The following NFAT5 variants were observed in gnomAD, a reference collection of about 807,000 sequenced individuals.
NFAT5 encodes the protein nuclear factor of activated T-cells 5.
NFAT5 carries 31 observed loss-of-function variants against 166.5 expected under a neutral mutation model. That is an observed-to-expected ratio of 0.19 (90% CI 0.14 to 0.25). NFAT5 has a LOEUF of 0.25. Ranked by LOEUF, NFAT5 falls within the 10% of genes least tolerant of loss-of-function variation. The pLI is 1.00. For missense variants in NFAT5, 1,449 were observed against 1,821.8 expected, an observed-to-expected ratio of 0.80 and a Z score of 3.72; for synonymous variants, 612 against 639.7, an observed-to-expected ratio of 0.96 and a Z score of 0.65.
chr16:69,597,032 C>T (rs1171934956), intron 2 of NFAT5, among the ~76,000 whole-genome samples: 1 of 152,018 alleles, frequency 6.6e-6, no homozygotes, highest in East Asian at 1.9e-4. Flanking sequence ...GTCCTGAAGT[C>T]ATAAAAATTA....
At chr16:69,651,719 G>A (rs901710485) in intron 4 of NFAT5, among the ~76,000 whole-genome samples, 1 of 147,584 alleles carries the variant, frequency 6.8e-6, no homozygotes, top group Non-Finnish European at 1.5e-5. Flanking sequence ...TGACCAGGCT[G>A]GAGTGCAATG....
At chr16:69,622,463 T>G (rs2034242708) in intron 2 of NFAT5, among the ~76,000 whole-genome samples, 2 of 152,206 alleles carry the variant, frequency 1.3e-5, no homozygotes, top group Non-Finnish European at 2.9e-5. Flanking sequence ...ACCTTGCATT[T>G]TACTTGTTTG....
At chr16:69,613,165 A>G (rs964061577) in intron 2 of NFAT5, among the ~76,000 whole-genome samples, 1 of 152,122 alleles carries the variant, frequency 6.6e-6, no homozygotes, top group Non-Finnish European at 1.5e-5. Flanking sequence ...CACCGTAGCC[A>G]GTGATCCAAT....
chr16:69,659,809 A>C lies in NFAT5; in HGVS notation c.1279A>C (p.Thr427Pro). The C allele has an allele frequency of 6.2e-7, 1 of 1,614,090 alleles. No homozygotes were observed. Among genetic ancestry groups the C allele is most frequent in the Non-Finnish European group, 8.5e-7 (1 of 1,179,980 alleles). Reference sequence around the variant, plus strand: ...AATTGCTGGTTCCAAGAAGAAAAGCACTCGTGCCAGATTGGTTTTTCGAGT... The same window carrying C: ...AATTGCTGGTTCCAAGAAGAAAAGCCCTCGTGCCAGATTGGTTTTTCGAGT... ...IGIAGSKKKS[T>P]RARLVFRVNI... Residue 427 changes from threonine (T) to proline (P), a missense_variant, in exon 7 of 15, where the codon ACT becomes CCT. By Grantham distance (38) the Thr-to-Pro change is conservative (BLOSUM62 -1). Transcript: ENST00000349945.
chr16:69,632,345 ATCTCTCTTTTTTCTT>A (rs1246358366), intron 3 of NFAT5: 2 of 152,288 alleles, frequency 1.3e-5, no homozygotes, highest in Non-Finnish European at 2.9e-5. Context: ...GCCATAAAGT[ATCTCTCTTTTTTCTT>A]TTACCTAGTT....
Position 69,566,188 on chromosome 16 carries a change from C to T in NFAT5, c.-114C>T. The T allele has an allele frequency of 1.2e-6, 1 of 849,578 alleles. No homozygotes were observed. The highest frequency in any genetic ancestry group is 1.8e-6 in the Non-Finnish European group (1 of 552,538). 52.6% of individuals were successfully genotyped at this position (849,578 alleles called of 1,614,324 possible). A position where few individuals can be genotyped will look rare whatever the true frequency, so the allele number is the denominator to read the frequency against. The stretch of plus-strand genomic sequence containing the variant: ...ACCCTCGAGGAGGAGGCAGCGGCAG[C>T]CGCCCTCGCGTCGCCGCCCCCGGTT... On this transcript the variant is annotated 5_prime_UTR_variant, in exon 1 of 15. Coordinates refer to ENST00000349945, the MANE Select transcript of NFAT5 (RefSeq NM_138713.4). This position sits in a 1 kb window ranked among gnomAD's most constrained non-coding sequence, Gnocchi z 5.7.
At chr16:69,588,488 C>G (rs935388417) in intron 2 of NFAT5, among the ~76,000 whole-genome samples, 2 of 149,500 alleles carry the variant, frequency 1.3e-5, no homozygotes, top group African/African-American at 2.5e-5. Context: ...AGAAAGATAG[C>G]TACTGAGTAA....
chr16:69,679,812 G>C (rs193157278), intron 10 of NFAT5, among the ~76,000 whole-genome samples: 74 of 152,000 alleles, frequency 4.9e-4, no homozygotes, highest in Middle Eastern at 6.8e-3. Context: ...AAGGAAATTT[G>C]ATATAAAATT....
intron 10 of NFAT5, among the ~76,000 whole-genome samples, chr16:69,678,718 C>T (rs1490899681): frequency 6.6e-6 from 1 of 152,180 alleles, no homozygotes; most frequent in African/African-American, 2.4e-5. Context: ...TCAGTCCAGT[C>T]TCAAGCATAC....
chr16:69,630,143 G>T (rs1387641550), intron 3 of NFAT5, among the ~76,000 whole-genome samples: 1 of 151,802 alleles, frequency 6.6e-6, no homozygotes, highest in Admixed American at 6.6e-5. Flanking sequence ...CATTGTGTTG[G>T]CCAGGCTGAT....
intron 10 of NFAT5, among the ~76,000 whole-genome samples, chr16:69,682,155 TG>T (rs1213765928): frequency 6.6e-6 from 1 of 151,498 alleles, no homozygotes; most frequent in African/African-American, 2.4e-5. Flanking sequence ...TGATAGTCTC[TG>T]AAGCTTTGCT....
intron 14 of NFAT5, 129 bp downstream of exon 14, chr16:69,695,508 CT>C: frequency 1.5e-6 from 1 of 679,888 alleles, no homozygotes; most frequent in Non-Finnish European, 2.5e-6. Flanking sequence ...CTTTTTTACT[CT>C]GAATAAAATT....
intron 4 of NFAT5, among the ~76,000 whole-genome samples, chr16:69,651,658 A>T (rs966845736): frequency 1.3e-5 from 2 of 149,080 alleles, no homozygotes; most frequent in African/African-American, 5.0e-5. Flanking sequence ...ACTTTATTTA[A>T]AAACATACGT....
intron 2 of NFAT5, among the ~76,000 whole-genome samples, chr16:69,581,583 T>C (rs2031695625): frequency 6.6e-6 from 1 of 152,188 alleles, no homozygotes; most frequent in Admixed American, 6.5e-5. Context: ...AGGTTCAGAT[T>C]TTTTCAAATT....
At chr16:69,636,769 G>A (rs540284884) in intron 3 of NFAT5, among the ~76,000 whole-genome samples, 168 of 152,238 alleles carry the variant, frequency 1.1e-3, no homozygotes, top group Non-Finnish European at 2.1e-3. Context: ...ACACAAAACC[G>A]CTTTTTCCTC....
chr16:69,683,483 A>G (rs985879477), intron 10 of NFAT5, among the ~76,000 whole-genome samples: 2 of 152,172 alleles, frequency 1.3e-5, no homozygotes, highest in African/African-American at 4.8e-5. Context: ...GTGAGCCGTT[A>G]TCACGCCACT....
At chr16:69,589,453 A>G (rs1448963181) in intron 2 of NFAT5, among the ~76,000 whole-genome samples, 1 of 152,234 alleles carries the variant, frequency 6.6e-6, no homozygotes, top group Non-Finnish European at 1.5e-5. Flanking sequence ...TGGATGTGCT[A>G]TATAATAAGA....
intron 2 of NFAT5, among the ~76,000 whole-genome samples, chr16:69,593,618 T>C (rs1457745824): frequency 6.6e-6 from 1 of 152,106 alleles, no homozygotes; most frequent in Non-Finnish European, 1.5e-5. Flanking sequence ...CCCGGCCTAG[T>C]TACATTTCTA....
At chr16:69,678,116 C>T (rs1407004468) in intron 10 of NFAT5, among the ~76,000 whole-genome samples, 3 of 151,654 alleles carry the variant, frequency 2.0e-5, no homozygotes, top group African/African-American at 7.3e-5. Flanking sequence ...TGAGATTGTG[C>T]CATTGCACTC....
Sources: gnomAD v4.1 joint callset for allele counts (sites outside exome capture counted in the v4.1 genomes callset) on GRCh38, gnomAD v4.1.1 for gene constraint, Gnocchi (gnomAD v3.1) non-coding constraint, MANE v1.5 for transcripts, NCBI Gene and HGNC (gene_info 2026-07-23, HGNC 2026-07-21) for gene names.